The following DEAF1 variants were observed in gnomAD, a reference collection of about 807,000 sequenced individuals.
DEAF1 encodes the protein deformed epidermal autoregulatory factor 1 homolog.
Under a neutral mutation model 58.9 loss-of-function variants are expected in DEAF1, and 53 were observed. That is an observed-to-expected ratio of 0.90 (90% CI 0.72 to 1.13). The LOEUF (loss-of-function observed/expected upper bound fraction) is 1.13, where lower values mean the gene tolerates loss of function less well. Ranked by LOEUF, DEAF1 falls within the 50% of genes most tolerant of loss-of-function variation. DEAF1 has a pLI of 0.00. For missense variants in DEAF1, 685 were observed against 791.4 expected, an observed-to-expected ratio of 0.87 and a Z score of 1.61; for synonymous variants, 385 against 340.4, an observed-to-expected ratio of 1.13 and a Z score of -1.44.
intron 1 of DEAF1, chr11:700,851 C>T (rs1014427554): frequency 2.1e-5 from 16 of 771,586 alleles, no homozygotes; most frequent in African/African-American, 1.2e-4. Context: ...TGCAGGCTCA[C>T]CTTACAGTGT....
intron 10 of DEAF1, among the ~76,000 whole-genome samples, chr11:659,975 T>TGGGCAG (rs1859247166): frequency 6.6e-6 from 1 of 152,146 alleles, no homozygotes; most frequent in Non-Finnish European, 1.5e-5. Context: ...AGGTGGGGCT[T>TGGGCAG]GGGCAGGCAG....
chr11:685,009 A>G (rs1320765550), intron 5 of DEAF1, 46 bp from the exon 6 acceptor site: 4 of 1,434,946 alleles, frequency 2.8e-6, no homozygotes, highest in Non-Finnish European at 3.8e-6. Context: ...TCAGCCCCTA[A>G]ATGTCAATCA....
At chr11:649,957 T>G (rs528894620) in intron 11 of DEAF1, among the ~76,000 whole-genome samples, 99 of 151,966 alleles carry the variant, frequency 6.5e-4, no homozygotes, top group Admixed American at 1.2e-3. Flanking sequence ...ACCCGGGACG[T>G]TGAGGTTGCA....
chr11:682,461 G>A (rs974653208), intron 6 of DEAF1, among the ~76,000 whole-genome samples: 2 of 152,172 alleles, frequency 1.3e-5, no homozygotes, highest in Non-Finnish European at 2.9e-5. Context: ...CCATCAAAAT[G>A]TCCATTCTTT....
chr11:661,525 C>G (rs973532566), intron 10 of DEAF1, among the ~76,000 whole-genome samples: 9 of 152,048 alleles, frequency 5.9e-5, no homozygotes, highest in African/African-American at 2.2e-4. Context: ...GCCTGGCCAA[C>G]ATGGTGAAAT....
At chr11:658,294 T>TGGCG (rs926249949) in intron 10 of DEAF1, among the ~76,000 whole-genome samples, 1 of 152,112 alleles carries the variant, frequency 6.6e-6, no homozygotes, top group African/African-American at 2.4e-5. Context: ...CCAGGCGTGT[T>TGGCG]GGCGGGTGCC....
In DEAF1 at chr11:704,722, C is replaced by T. The variant is rs1387869678; in HGVS notation, c.-438+1850G>A. 4 of 1,181,636 alleles carry T rather than the reference C, an allele frequency of 3.4e-6. No individual in the cohort carries two copies. The East Asian group carries it at 1.7e-4, about 51-fold the overall frequency. 73.2% of individuals were successfully genotyped at this position (1,181,636 alleles called of 1,614,324 possible). A position where few individuals can be genotyped will look rare whatever the true frequency, so the allele number is the denominator to read the frequency against. On this transcript the variant is annotated intron_variant, in intron 1 of 11. Coordinates refer to the DEAF1 transcript ENST00000683307. The stretch of plus-strand genomic sequence containing the variant: ...TGTTCCACAGGGAACGCCATGGCTC[C>T]AGGTGACCCGGAGTGGATGGGGCCC...
chr11:647,271 T>C (rs1842283566), intron 11 of DEAF1, among the ~76,000 whole-genome samples: 1 of 152,062 alleles, frequency 6.6e-6, no homozygotes, highest in Non-Finnish European at 1.5e-5. Flanking sequence ...CTGAACAACA[T>C]GGTGAAACCC....
chr11:694,320 G>T (rs866602929), intron 1 of DEAF1: 5 of 189,076 alleles, frequency 2.6e-5, no homozygotes, highest in Non-Finnish European at 4.4e-5. Flanking sequence ...GGGTAGGTGG[G>T]GCAGGCTGGT....
chr11:661,667 AC>A (rs2133320204), intron 10 of DEAF1, among the ~76,000 whole-genome samples: 1 of 152,164 alleles, frequency 6.6e-6, no homozygotes, highest in East Asian at 1.9e-4. Flanking sequence ...CTGAGATCGC[AC>A]CACTGCACTC....
At chr11:665,340 T>G (rs546496947) in intron 10 of DEAF1, among the ~76,000 whole-genome samples, 26 of 152,248 alleles carry the variant, frequency 1.7e-4, no homozygotes, top group African/African-American at 5.8e-4. Flanking sequence ...ACTCAGAGCC[T>G]CTGAGTCCTG....
At chr11:651,825 G>A (rs1164625889) in intron 11 of DEAF1, among the ~76,000 whole-genome samples, 1 of 152,244 alleles carries the variant, frequency 6.6e-6, no homozygotes. Flanking sequence ...GGCGGAGCTT[G>A]CGGTGAGCTG....
rs540249896 is a variant in DEAF1, at chr11:648,196, C to CTTTT, written c.1594-3546_1594-3543dup. Among the ~76,000 whole-genome samples the CTTTT allele has an allele frequency of 3.1e-4, 38 of 123,388 alleles. 1 individual carries two copies. Among genetic ancestry groups the CTTTT allele is most frequent in the African/African-American group, 8.1e-4 (27 of 33,364 alleles). 80.9% of individuals were successfully genotyped at this position (123,388 alleles called of 152,430 possible). On this transcript the variant is annotated intron_variant, in intron 11 of 11. Coordinates refer to ENST00000382409, the MANE Select transcript of DEAF1 (RefSeq NM_021008.4). ...AATTAATTTTTAAAATTATCACTGC[C>CTTTT]TTTTTTTTTTTTTTTTGAGACGGAG... is the stretch of plus-strand genomic sequence containing the variant.
intron 10 of DEAF1, chr11:654,721 T>A (rs1176922611): frequency 2.3e-6 from 1 of 430,632 alleles, no homozygotes; most frequent in African/African-American, 2.1e-5. Context: ...ATACAAAAAT[T>A]AGCTGGGTGT....
At position 644,758 on chromosome 11, in the gene DEAF1, A is replaced by C; in HGVS notation, c.1594-104T>G. 2.2e-6 allele frequency: 2 copies of C among 889,390 alleles called. No homozygotes were observed. The highest frequency in any genetic ancestry group is 1.8e-6 in the Non-Finnish European group (1 of 556,770). 55.1% of individuals were successfully genotyped at this position (889,390 alleles called of 1,614,324 possible). A position where few individuals can be genotyped will look rare whatever the true frequency, so the allele number is the denominator to read the frequency against. ...AGAGGGTGCAGCCCTCTGTAACCTC[A>C]CCTGGAGGTGCTGAGAATGCCCTCC... is the stretch of plus-strand genomic sequence containing the variant. On this transcript the variant is annotated intron_variant, in intron 11 of 11. Coordinates refer to ENST00000382409, the MANE Select transcript of DEAF1 (RefSeq NM_021008.4). The surrounding 1 kb of genome is among the most constrained non-coding windows in gnomAD (Gnocchi z 4.3).
intron 10 of DEAF1, among the ~76,000 whole-genome samples, chr11:658,987 G>C (rs552847450): frequency 2.9e-4 from 44 of 152,292 alleles, no homozygotes; most frequent in African/African-American, 8.2e-4. Context: ...AGCCAACCAA[G>C]AGTAAGACCA....
At chr11:681,810 C>G (rs774350635) in intron 6 of DEAF1, among the ~76,000 whole-genome samples, 23 of 152,168 alleles carry the variant, frequency 1.5e-4, no homozygotes, top group Admixed American at 2.6e-4. Flanking sequence ...TGGTTTCCTT[C>G]AGTCCTCTGA....
In DEAF1 at chr11:670,401, CTTT is replaced by C. The variant is rs56358451; in HGVS notation, c.1503+4132_1503+4134del. 7.6e-3 allele frequency among the ~76,000 whole-genome samples: 1,093 copies of C among 143,798 alleles called. 3 individuals are homozygous for C. The highest frequency in any genetic ancestry group is 0.018 in the Middle Eastern group (5 of 282). 94.3% of individuals were successfully genotyped at this position (143,798 alleles called of 152,430 possible). A position where few individuals can be genotyped will look rare whatever the true frequency, so the allele number is the denominator to read the frequency against. ...AAGTAGCTGTTTGTTTGGAAGTATA[CTTT>C]TTTTTTTTTTTTTTTAAAGTATTTT... On this transcript the variant is annotated intron_variant, in intron 10 of 11. Coordinates refer to ENST00000382409, the MANE Select transcript of DEAF1 (RefSeq NM_021008.4).
At chr11:662,959 GC>G (rs1859379743) in intron 10 of DEAF1, among the ~76,000 whole-genome samples, 1 of 152,188 alleles carries the variant, frequency 6.6e-6, no homozygotes, top group South Asian at 2.1e-4. Context: ...CCCATTCCCA[GC>G]CTCCCTGAGC....
Sources: gnomAD v4.1 joint callset for allele counts (sites outside exome capture counted in the v4.1 genomes callset) on GRCh38, gnomAD v4.1.1 for gene constraint, Gnocchi (gnomAD v3.1) non-coding constraint, MANE v1.5 for transcripts, NCBI Gene and HGNC (gene_info 2026-07-23, HGNC 2026-07-21) for gene names.